DTHD1: variants seen among roughly 807,000 people sequenced by gnomAD.
DTHD1 encodes death domain containing 1, also known as death domain-containing protein 1.
Under a neutral mutation model 74.8 loss-of-function variants are expected in DTHD1, and 59 were observed. That is an observed-to-expected ratio of 0.79 (90% CI 0.64 to 0.98). DTHD1 has a LOEUF of 0.98. DTHD1 is among the 50% of genes least tolerant of loss of function. The pLI, the probability that DTHD1 is intolerant of heterozygous loss-of-function variation, is 0.00. For missense variants in DTHD1, 1,051 were observed against 1,065.4 expected (o/e 0.99, Z 0.19); for synonymous variants, 365 against 371.1 (o/e 0.98, Z 0.19).
At position 36,315,267 on chromosome 4, in the gene DTHD1, A is replaced by G. The variant is rs553847078; in HGVS notation, c.2096-975A>G. Among the ~76,000 whole-genome samples, 234 of 152,358 alleles carry G rather than the reference A, an allele frequency of 1.5e-3. 7 individuals carry two copies. The East Asian group carries it at 0.034, about 22-fold the overall frequency. On this transcript the variant is annotated intron_variant, in intron 7 of 9. Transcript: ENST00000639862. ...TGTTCACAAAAGCTCTAGAATTTTC[A>G]GTAAGGAGTTGATAAAACATTTATA...
chr4:36,295,091 T>C (rs1489446941), intron 5 of DTHD1, 52 bp downstream of exon 5: 1 of 1,420,468 alleles, frequency 7.0e-7, no homozygotes, highest in Non-Finnish European at 9.3e-7. Context: ...CAAAGAAGCT[T>C]AGATGATTAA....
At chr4:36,295,163 T>A in intron 5 of DTHD1, 124 bp downstream of exon 5, 1 of 1,192,552 alleles carries the variant, frequency 8.4e-7, no homozygotes, top group Non-Finnish European at 1.1e-6. Context: ...ATATCTTTAA[T>A]CTAGAAAGAA....
intron 2 of DTHD1, among the ~76,000 whole-genome samples, chr4:36,286,721 C>G (rs1359008990): frequency 2.6e-5 from 4 of 152,146 alleles, no homozygotes; most frequent in Non-Finnish European, 5.9e-5. Flanking sequence ...CACGCTTAGT[C>G]TACATGGTAT....
At chr4:36,325,372 T>C (rs1009474721) in intron 8 of DTHD1, among the ~76,000 whole-genome samples, 1 of 152,204 alleles carries the variant, frequency 6.6e-6, no homozygotes, top group African/African-American at 2.4e-5. Flanking sequence ...TTTTATCTTT[T>C]GAGTAACAGC....
At chr4:36,309,563 A>G (rs1757263328) in intron 7 of DTHD1, among the ~76,000 whole-genome samples, 1 of 152,154 alleles carries the variant, frequency 6.6e-6, no homozygotes, top group Admixed American at 6.5e-5. Context: ...TATGTCCTTT[A>G]CCCTTCACCG....
At chr4:36,290,827 T>A (rs1012110247) in intron 3 of DTHD1, 124 bp downstream of exon 3, 1 of 781,604 alleles carries the variant, frequency 1.3e-6, no homozygotes, top group Non-Finnish European at 2.0e-6. Context: ...GACTTTTGAA[T>A]TTGTGCCAGT....
chr4:36,281,897 G>T lies in DTHD1; in HGVS notation c.139G>T (p.Val47Leu), dbSNP rs944042071. The T allele has an allele frequency of 1.5e-6, 2 of 1,291,830 alleles. No homozygotes were observed. Among genetic ancestry groups the T allele is most frequent in the Non-Finnish European group, 2.0e-6 (2 of 1,015,164 alleles). 80.0% of individuals were successfully genotyped at this position (1,291,830 alleles called of 1,614,324 possible). A position where few individuals can be genotyped will look rare whatever the true frequency, so the allele number is the denominator to read the frequency against. ...GAGGATWMAT[V>L]VFLGQELSSA... ...TGGTGGGGCCACTTGGATGGCCACT[G>T]TGGTCTTTCTGGGTCAGGAACTCAG... The change falls in exon 1 of 10, where the codon GTG (valine) becomes TTG (leucine). Residue 47 changes from valine to leucine, a missense_variant. Coordinates refer to ENST00000639862, the MANE Select transcript of DTHD1 (RefSeq NM_001170700.3).
chr4:36,343,964 A>C lies in DTHD1; in HGVS notation c.*140A>C, dbSNP rs1424466240. Reference sequence around the variant, plus strand: ...GATGTGCTATTTAATGATGTGAGACAAAGGGAGAAGCACGGATCAGATAAT... The same window carrying C: ...GATGTGCTATTTAATGATGTGAGACCAAGGGAGAAGCACGGATCAGATAAT... On this transcript the variant is annotated 3_prime_UTR_variant, in exon 10 of 10. Transcript: ENST00000639862. The C allele has an allele frequency of 4.9e-6, 4 of 820,778 alleles. No homozygotes were observed. In the East Asian group the frequency reaches 1.1e-4, roughly 22 times the overall value. 50.8% of individuals were successfully genotyped at this position (820,778 alleles called of 1,614,324 possible). A position where few individuals can be genotyped will look rare whatever the true frequency, so the allele number is the denominator to read the frequency against.
rs114601946 is a variant in DTHD1 at position 36,289,107 on chromosome 4, C to T, written c.888-1266C>T. 3.3e-3 allele frequency among the ~76,000 whole-genome samples: 508 copies of T among 152,178 alleles called. 3 individuals carry two copies. The highest frequency in any genetic ancestry group is 0.012 in the African/African-American group (485 of 41,522). On this transcript the variant is annotated intron_variant, in intron 2 of 9. Transcript: ENST00000639862. The stretch of plus-strand genomic sequence containing the variant: ...ATTCTATTTACAAGTAATTGAAAAA[C>T]GTCTAAAATCTGATTATTTTAGAGC...
intron 9 of DTHD1, among the ~76,000 whole-genome samples, chr4:36,340,002 A>G (rs989429842): frequency 3.3e-5 from 5 of 152,250 alleles, no homozygotes; most frequent in African/African-American, 1.2e-4. Flanking sequence ...GAAGAATTTG[A>G]TGTCCAGATA....
chr4:36,303,660 C>A (rs752831956), intron 5 of DTHD1, among the ~76,000 whole-genome samples: 1 of 152,190 alleles, frequency 6.6e-6, no homozygotes, highest in South Asian at 2.1e-4. Flanking sequence ...CTGATTCTCA[C>A]TCCAGATCTG....
Position 36,308,190 on chromosome 4 carries a change from T to C in DTHD1, c.1806-14T>C. On this transcript the variant is annotated splice_polypyrimidine_tract_variant and intron_variant, in intron 6 of 9. Transcript: ENST00000639862. ...GCATTTTTCCCTGGGGTCTCACCTC[T>C]TTCTTCCATGCAGGTTTATTGTACT... 1 of 1,549,086 alleles carries C rather than the reference T, an allele frequency of 6.5e-7. No individual in the cohort carries two copies. The highest frequency in any genetic ancestry group is 8.7e-7 in the Non-Finnish European group (1 of 1,145,054).
chr4:36,307,998 T>A (rs1421278529), intron 6 of DTHD1, among the ~76,000 whole-genome samples: 1 of 152,228 alleles, frequency 6.6e-6, no homozygotes, highest in Non-Finnish European at 1.5e-5. Context: ...CCAAGTGGCA[T>A]GAGCCACTGT....
At chr4:36,343,005 C>T (rs1276716064) in intron 9 of DTHD1, among the ~76,000 whole-genome samples, 1 of 151,240 alleles carries the variant, frequency 6.6e-6, no homozygotes, top group Non-Finnish European at 1.5e-5. Context: ...AGACTAGAAT[C>T]GCTTGAACCC....
intron 8 of DTHD1, among the ~76,000 whole-genome samples, chr4:36,325,037 G>A (rs960645980): frequency 2.0e-5 from 3 of 152,126 alleles, no homozygotes; most frequent in Admixed American, 6.6e-5. Context: ...GACGTGTTCC[G>A]AGAAAGGATG....
At chr4:36,327,927 T>G (rs918570289) in intron 8 of DTHD1, among the ~76,000 whole-genome samples, 1 of 152,208 alleles carries the variant, frequency 6.6e-6, no homozygotes, top group East Asian at 1.9e-4. Context: ...GGCCTAAAGC[T>G]GTCTTCTTTT....
chr4:36,303,586 A>G (rs1028090429), intron 5 of DTHD1, among the ~76,000 whole-genome samples: 1 of 126,054 alleles, frequency 7.9e-6, no homozygotes, highest in African/African-American at 4.3e-5. Context: ...TTACATCTTT[A>G]TAAGTCTAAG....
chr4:36,338,317 T>C (rs1260705837), intron 8 of DTHD1, among the ~76,000 whole-genome samples: 5 of 152,234 alleles, frequency 3.3e-5, no homozygotes, highest in Non-Finnish European at 5.9e-5. Context: ...CTTTAGTTCC[T>C]GTAGTGTGGA....
At chr4:36,336,343 G>C (rs77102883) in intron 8 of DTHD1, among the ~76,000 whole-genome samples, 2 of 109,506 alleles carry the variant, frequency 1.8e-5, no homozygotes, top group Non-Finnish European at 3.7e-5. Context: ...AAATGTAATC[G>C]AATGGCACCT....
Sources: gnomAD v4.1 joint callset for allele counts (sites outside exome capture counted in the v4.1 genomes callset) on GRCh38, gnomAD v4.1.1 for gene constraint, MANE v1.5 for transcripts, NCBI Gene and HGNC (gene_info 2026-07-23, HGNC 2026-07-21) for gene names.